NHERF1: variants seen among roughly 807,000 people sequenced by gnomAD.
NHERF1 encodes the protein NHERF family PDZ scaffold protein 1, also known as Na(+)/H(+) exchange regulatory cofactor NHE-RF1.
At chr17:74,762,285 A>G in the NHERF1 span, 9 of 616,746 alleles carry the variant, frequency 1.5e-5, no homozygotes, top group Non-Finnish European at 2.5e-5. The surrounding 1 kb of genome is among the most constrained non-coding windows in gnomAD (Gnocchi z 4.2). Context: ...GGCATAGCCA[A>G]CCTGGAGCTG....
At chr17:74,750,444 G>T in the NHERF1 span, among the ~76,000 whole-genome samples, 2 of 152,198 alleles carry the variant, frequency 1.3e-5, no homozygotes, top group East Asian at 1.9e-4. Context: ...GCACAGTTCG[G>T]CATTAAGGTA....
At chr17:74,765,026 C>A in the NHERF1 span, among the ~76,000 whole-genome samples, 90 of 152,226 alleles carry the variant, frequency 5.9e-4, 2 homozygotes, top group East Asian at 0.016. Flanking sequence ...TCAGAAGAAG[C>A]CCTACACTGA....
chr17:74,753,742 G>T, the NHERF1 span, among the ~76,000 whole-genome samples: 18 of 151,254 alleles, frequency 1.2e-4, no homozygotes, highest in African/African-American at 4.4e-4. Context: ...AACAGGGGGA[G>T]GGGGGTGAAT....
the NHERF1 span, chr17:74,766,816 G>GT: frequency 3.1e-6 from 3 of 981,424 alleles, no homozygotes; most frequent in East Asian, 4.8e-5. Context: ...AGTCAAAAAA[G>GT]TTTGAGATGT....
chr17:74,750,913 C>T, the NHERF1 span, among the ~76,000 whole-genome samples: 1 of 152,012 alleles, frequency 6.6e-6, no homozygotes, highest in Admixed American at 6.6e-5. Flanking sequence ...TTTGAGCTTC[C>T]TGGGTGAGCA....
At chr17:74,758,033 A>G in the NHERF1 span, among the ~76,000 whole-genome samples, 7 of 152,018 alleles carry the variant, frequency 4.6e-5, no homozygotes, top group African/African-American at 1.4e-4. This position sits in a 1 kb window ranked among gnomAD's most constrained non-coding sequence, Gnocchi z 4.3. Flanking sequence ...GCCCATCACC[A>G]TGGCATCAGC....
the NHERF1 span, among the ~76,000 whole-genome samples, chr17:74,753,519 A>G: frequency 2.6e-5 from 4 of 152,178 alleles, no homozygotes; most frequent in African/African-American, 9.7e-5. Context: ...TGCTGGCAAA[A>G]CAGTGTAGCC....
At chr17:74,769,049 C>A in the NHERF1 span, 1 of 222,116 alleles carries the variant, frequency 4.5e-6, no homozygotes, top group African/African-American at 2.3e-5. Flanking sequence ...GCAGAACTGC[C>A]GCTCTCAGTG....
chr17:74,768,580 C>T, the NHERF1 span: 17 of 1,614,042 alleles, frequency 1.1e-5, no homozygotes, highest in South Asian at 4.4e-5. Context: ...AAAGAGAGGG[C>T]CCACCAGAAA....
At chr17:74,761,101 G>T in the NHERF1 span, among the ~76,000 whole-genome samples, 1 of 152,226 alleles carries the variant, frequency 6.6e-6, no homozygotes, top group African/African-American at 2.4e-5. This position sits in a 1 kb window ranked among gnomAD's most constrained non-coding sequence, Gnocchi z 4.3. Context: ...AAGCTGAGCT[G>T]CTTACTTTGG....
chr17:74,754,493 C>T, the NHERF1 span, among the ~76,000 whole-genome samples: 1 of 144,428 alleles, frequency 6.9e-6, no homozygotes, highest in Non-Finnish European at 1.5e-5. Context: ...ACCTCCGTCT[C>T]TCAAGTTCAA....
chr17:74,748,649 T>G, the NHERF1 span: 11 of 514,382 alleles, frequency 2.1e-5, no homozygotes, highest in East Asian at 3.4e-5. This position sits in a 1 kb window ranked among gnomAD's most constrained non-coding sequence, Gnocchi z 4.3. Context: ...GGGGCGGGGA[T>G]TGGTCTGTGG....
the NHERF1 span, among the ~76,000 whole-genome samples, chr17:74,761,277 C>T: frequency 6.6e-6 from 1 of 152,186 alleles, no homozygotes; most frequent in Admixed American, 6.5e-5. This position sits in a 1 kb window ranked among gnomAD's most constrained non-coding sequence, Gnocchi z 4.3. Context: ...TTTCTGGGGT[C>T]TCTGTGCTTC....
At chr17:74,766,863 C>T in the NHERF1 span, 13 of 1,471,640 alleles carry the variant, frequency 8.8e-6, no homozygotes, top group African/African-American at 1.8e-4. Flanking sequence ...CTGCCCAAAC[C>T]CAACTCCTAC....
At chr17:74,768,212 C>T in the NHERF1 span, 4 of 1,613,250 alleles carry the variant, frequency 2.5e-6, no homozygotes, top group South Asian at 1.1e-5. Flanking sequence ...TGGTGAGATC[C>T]GCCTCCAGTG....
the NHERF1 span, among the ~76,000 whole-genome samples, chr17:74,754,403 T>TTTC: frequency 8.5e-5 from 12 of 141,030 alleles, no homozygotes; most frequent in African/African-American, 3.0e-4. Context: ...TTCTTTCTTT[T>TTTC]TTTTTTTTTT....
At chr17:74,749,324 T>G in the NHERF1 span, 1 of 1,504,526 alleles carries the variant, frequency 6.6e-7, no homozygotes, top group East Asian at 2.5e-5. This position sits in a 1 kb window ranked among gnomAD's most constrained non-coding sequence, Gnocchi z 5.6. Context: ...TGGCATGGAG[T>G]GGGAGGAGGA....
the NHERF1 span, chr17:74,768,301 TC>T: frequency 2.1e-6 from 3 of 1,407,600 alleles, no homozygotes; most frequent in Non-Finnish European, 2.0e-6. Flanking sequence ...CCCCACTTGT[TC>T]CTGGCACACC....
chr17:74,762,573 T>TTA, the NHERF1 span, among the ~76,000 whole-genome samples: 13 of 151,664 alleles, frequency 8.6e-5, no homozygotes, highest in African/African-American at 2.9e-4. The surrounding 1 kb of genome is among the most constrained non-coding windows in gnomAD (Gnocchi z 4.2). Context: ...TTTTTTTTTT[T>TTA]AAATGGAGTC....
Sources: allele counts gnomAD v4.1 joint callset (sites outside exome capture counted in the v4.1 genomes callset), GRCh38; gene constraint gnomAD v4.1.1; non-coding constraint Gnocchi (gnomAD v3.1); transcripts MANE v1.5; gene names NCBI Gene and HGNC (gene_info 2026-07-23, HGNC 2026-07-21).